STOX1: variants seen among roughly 807,000 people sequenced by gnomAD.
STOX1 encodes storkhead-box protein 1.
A neutral mutation model predicts 74.8 loss-of-function variants in STOX1; 57 were observed. That is an observed-to-expected ratio of 0.76 (90% confidence interval 0.62 to 0.95). The LOEUF (loss-of-function observed/expected upper bound fraction) is 0.95. STOX1 is among the 40% of genes least tolerant of loss of function. The probability of loss-of-function intolerance (pLI) is 0.00; values close to 1 mark genes in which losing one functional copy is unlikely to be tolerated. For synonymous variants in STOX1, 375 were observed against 401.3 expected, an observed-to-expected ratio of 0.93 and a Z score of 0.78; for missense variants, 1,010 against 1,117.0, an observed-to-expected ratio of 0.90 and a Z score of 1.37.
intron 1 of STOX1, among the ~76,000 whole-genome samples, chr10:68,866,340 A>G (rs1840404287): frequency 6.6e-6 from 1 of 152,174 alleles, no homozygotes; most frequent in Admixed American, 6.5e-5. Context: ...AATGATTGAA[A>G]TGTCTGCTCC....
intron 1 of STOX1, among the ~76,000 whole-genome samples, chr10:68,874,903 A>ATTGTAATGATT (rs1274116570): frequency 1.3e-5 from 2 of 152,160 alleles, no homozygotes; most frequent in Non-Finnish European, 2.9e-5. Flanking sequence ...GGCCAGGTGG[A>ATTGTAATGATT]TTGTAATGAT....
At chr10:68,851,812 G>A (rs1839992243) in intron 1 of STOX1, among the ~76,000 whole-genome samples, 1 of 151,986 alleles carries the variant, frequency 6.6e-6, no homozygotes, top group Non-Finnish European at 1.5e-5. Context: ...CTGTACTCCA[G>A]CCTAGGCAAC....
chr10:68,858,363 T>C (rs915090412), intron 1 of STOX1, among the ~76,000 whole-genome samples: 3 of 152,136 alleles, frequency 2.0e-5, no homozygotes, highest in African/African-American at 7.3e-5. Flanking sequence ...TGTGAACATA[T>C]ACTGCAGTCC....
chr10:68,883,486 C>T (rs1267768984), intron 2 of STOX1, among the ~76,000 whole-genome samples: 2 of 152,102 alleles, frequency 1.3e-5, no homozygotes, highest in East Asian at 3.9e-4. Context: ...AATTACAGCT[C>T]ATTGCAACCT....
chr10:68,846,125 A>G (rs201237698), intron 1 of STOX1, among the ~76,000 whole-genome samples: 140 of 59,748 alleles, frequency 2.3e-3, no homozygotes, highest in African/African-American at 6.2e-3. Context: ...GGTTTTTATT[A>G]TTATTATTAT....
intron 1 of STOX1, among the ~76,000 whole-genome samples, chr10:68,859,462 T>C (rs1488773542): frequency 6.6e-6 from 1 of 152,128 alleles, no homozygotes; most frequent in African/African-American, 2.4e-5. Context: ...CATCCCAAAC[T>C]TGACGTGATG....
At chr10:68,854,976 G>A (rs1264585701) in intron 1 of STOX1, among the ~76,000 whole-genome samples, 2 of 152,036 alleles carry the variant, frequency 1.3e-5, no homozygotes, top group African/African-American at 2.4e-5. Context: ...GGTGGTGCAT[G>A]CCTGTGGTCC....
rs148287142 is a variant in STOX1, at chr10:68,833,807, T to C, written c.310+5874T>C. On this transcript the variant is annotated intron_variant, in intron 1 of 3. Transcript: ENST00000298596. ...CTGAGTATAAAACATTATAAAACAA[T>C]ATGAGAGGGTCTGTCTCTCTTCTCT... Among the ~76,000 whole-genome samples, 1,186 of 152,318 alleles carry C rather than the reference T, an allele frequency of 7.8e-3. 12 individuals are homozygous for C. The highest frequency in any genetic ancestry group is 0.027 in the African/African-American group (1,142 of 41,578).
chr10:68,870,350 C>G (rs1391004100), intron 1 of STOX1, among the ~76,000 whole-genome samples: 1 of 152,136 alleles, frequency 6.6e-6, no homozygotes, highest in Non-Finnish European at 1.5e-5. Context: ...AAAGGATGTT[C>G]TCCTGCATGA....
chr10:68,871,342 C>G (rs1382502554), intron 1 of STOX1, among the ~76,000 whole-genome samples: 1 of 152,204 alleles, frequency 6.6e-6, no homozygotes, highest in Admixed American at 6.5e-5. Context: ...GGGGTCTGTT[C>G]CAGGCCCTCT....
intron 1 of STOX1, among the ~76,000 whole-genome samples, chr10:68,831,438 G>A (rs1359051172): frequency 2.0e-5 from 3 of 152,108 alleles, no homozygotes; most frequent in African/African-American, 4.8e-5. Context: ...CGCCCGCCTC[G>A]GCCTCCCATT....
intron 1 of STOX1, among the ~76,000 whole-genome samples, chr10:68,854,113 A>T (rs1393081039): frequency 2.6e-5 from 4 of 151,698 alleles, no homozygotes; most frequent in African/African-American, 9.7e-5. Flanking sequence ...CCCCTGTCTC[A>T]TCCTCCCAAG....
intron 1 of STOX1, among the ~76,000 whole-genome samples, chr10:68,845,366 C>T (rs1442002033): frequency 2.7e-5 from 4 of 149,656 alleles, no homozygotes; most frequent in Admixed American, 2.7e-4. Flanking sequence ...CTCTGCCTCC[C>T]AGGTTCACGC....
At chr10:68,841,089 G>A (rs1839682259) in intron 1 of STOX1, among the ~76,000 whole-genome samples, 1 of 151,936 alleles carries the variant, frequency 6.6e-6, no homozygotes, top group African/African-American at 2.4e-5. Context: ...CTGGACTACA[G>A]GTGCCTACCA....
chr10:68,879,323 G>C (rs992284463), intron 1 of STOX1, among the ~76,000 whole-genome samples: 2 of 151,706 alleles, frequency 1.3e-5, no homozygotes, highest in Non-Finnish European at 2.9e-5. Context: ...TTTCTAACTT[G>C]ACAGAAGTCA....
At chr10:68,861,472 G>A (rs541191901) in intron 1 of STOX1, among the ~76,000 whole-genome samples, 7 of 152,094 alleles carry the variant, frequency 4.6e-5, no homozygotes, top group Non-Finnish European at 8.8e-5. Context: ...AACCTCCAGC[G>A]TGAGCATCAT....
chr10:68,834,169 TCCCTCTGAGCATGG>T (rs1839483956), intron 1 of STOX1, among the ~76,000 whole-genome samples: 1 of 152,142 alleles, frequency 6.6e-6, no homozygotes, highest in African/African-American at 2.4e-5. Context: ...ATCCCCCAAA[TCCCTCTGAGCATGG>T]CCTTCCAATC....
chr10:68,848,131 G>T (rs1317905379), intron 1 of STOX1, among the ~76,000 whole-genome samples: 1 of 151,980 alleles, frequency 6.6e-6, no homozygotes, highest in Non-Finnish European at 1.5e-5. Context: ...TGCTGGGCCA[G>T]CCCTGACCTG....
chr10:68,860,925 T>C (rs796364184), intron 1 of STOX1, among the ~76,000 whole-genome samples: 2 of 152,024 alleles, frequency 1.3e-5, no homozygotes, highest in South Asian at 4.2e-4. Context: ...AAAGTCAGGA[T>C]TGGCCGGGCG....
Sources: allele counts gnomAD v4.1 joint callset (sites outside exome capture counted in the v4.1 genomes callset), GRCh38; gene constraint gnomAD v4.1.1; transcripts MANE v1.5; gene names NCBI Gene and HGNC (gene_info 2026-07-23, HGNC 2026-07-21).